IFT46: variants seen among roughly 807,000 people sequenced by gnomAD.
IFT46 encodes intraflagellar transport 46.
Under a neutral mutation model 39.6 loss-of-function variants are expected in IFT46, and 19 were observed. That is an observed-to-expected ratio of 0.48 (90% CI 0.33 to 0.70). The LOEUF is 0.70. Ranked by LOEUF, IFT46 falls within the 30% of genes least tolerant of loss-of-function variation. IFT46 has a pLI of 0.01. For synonymous variants in IFT46, 117 were observed against 134.8 expected (o/e 0.87, Z 0.91); for missense variants, 334 against 364.8 (o/e 0.92, Z 0.69).
chr11:118,564,755 G>A (rs1024068951), intron 2 of IFT46, among the ~76,000 whole-genome samples: 10 of 152,304 alleles, frequency 6.6e-5, no homozygotes, highest in Middle Eastern at 3.4e-3. Context: ...GTAACATGAA[G>A]TAAATGGTGA....
chr11:118,576,705 T>C (rs1555073715), upstream of IFT46, among the ~76,000 whole-genome samples: 1 of 152,200 alleles, frequency 6.6e-6, no homozygotes, highest in Non-Finnish European at 1.5e-5. Flanking sequence ...CAGAGAGACC[T>C]GTGTCAACTG....
upstream of IFT46, among the ~76,000 whole-genome samples, chr11:118,573,445 CAG>C (rs1283744630): frequency 6.6e-6 from 1 of 152,130 alleles, no homozygotes; most frequent in Non-Finnish European, 1.5e-5. Context: ...TGGAGGAAAT[CAG>C]AACTGCTGAC....
At chr11:118,546,191 G>C in intron 9 of IFT46, 1 of 718,086 alleles carries the variant, frequency 1.4e-6, no homozygotes, top group Non-Finnish European at 2.6e-6. Context: ...GCCAAGAAGA[G>C]ACCCCTCAGA....
Position 118,544,701 on chromosome 11 carries a change from G to C in IFT46, c.*215C>G, listed in dbSNP as rs1329994062. On this transcript the variant is annotated 3_prime_UTR_variant, in exon 12 of 12. Coordinates refer to ENST00000264021, the MANE Select transcript of IFT46 (RefSeq NM_001168618.2). ...TAACTCAAATCCCCACAGTGGTGTA[G>C]ATGCATTAACTCCCCGGGGACAGCA... is the stretch of plus-strand genomic sequence containing the variant. The C allele has an allele frequency of 1.8e-6, 1 of 553,788 alleles. No homozygotes were observed. The highest frequency in any genetic ancestry group is 3.2e-6 in the Non-Finnish European group (1 of 309,458). 34.3% of individuals were successfully genotyped at this position (553,788 alleles called of 1,614,324 possible).
At chr11:118,551,374 A>G (rs1951798966) in intron 9 of IFT46, among the ~76,000 whole-genome samples, 1 of 151,818 alleles carries the variant, frequency 6.6e-6, no homozygotes, top group Admixed American at 6.6e-5. Flanking sequence ...CTCCATCTCA[A>G]CAAAAAAAAT....
rs782570754 is a variant in IFT46, at chr11:118,551,741, G to A, written c.672+45C>T. On this transcript the variant is annotated intron_variant, in intron 9 of 11. Transcript: ENST00000264021. ...GAGAAAAAACACTGGGCCCTGGAGC[G>A]AATACTGTACTTTCTTACCCTACCT... 9.2e-6 allele frequency: 13 copies of A among 1,412,104 alleles called. No individual in the cohort carries two copies. In the East Asian group the frequency reaches 1.4e-4, roughly 15 times the overall value. The allele number at this position is 1,412,104 out of a possible 1,614,324, so 87.5% of individuals were successfully genotyped here.
chr11:118,545,666 G>A, intron 10 of IFT46, 127 bp downstream of exon 10: 2 of 1,179,910 alleles, frequency 1.7e-6, no homozygotes, highest in Non-Finnish European at 2.5e-6. Context: ...TGCTGCCAAA[G>A]AGCACAACGG....
chr11:118,562,092 T>C lies in IFT46; in HGVS notation c.-35-2228A>G, dbSNP rs568201600. On this transcript the variant is annotated intron_variant, in intron 2 of 11. Coordinates refer to ENST00000264021, the MANE Select transcript of IFT46 (RefSeq NM_001168618.2). ...GAGTTCGAGACCAGCCTGGCCAACA[T>C]GGTGAAACCCCGTCTCTACTAAAAA... Among the ~76,000 whole-genome samples, 573 of 151,918 alleles carry C rather than the reference T, an allele frequency of 3.8e-3. 5 individuals are homozygous for C. Among genetic ancestry groups the C allele is most frequent in the Middle Eastern group, 0.017 (5 of 294 alleles).
intron 2 of IFT46, among the ~76,000 whole-genome samples, chr11:118,562,072 C>T (rs1368117948): frequency 2.0e-5 from 3 of 151,964 alleles, no homozygotes; most frequent in African/African-American, 7.3e-5. Flanking sequence ...GTCAGGAGTT[C>T]GAGACCAGCC....
chr11:118,570,342 G>A (rs1311113308), upstream of IFT46, among the ~76,000 whole-genome samples: 1 of 151,980 alleles, frequency 6.6e-6, no homozygotes, highest in African/African-American at 2.4e-5. Context: ...TTACAGGCGT[G>A]AGCCACCGCG....
At chr11:118,546,381 CTTGGGAGGCTGGG>C (rs1469492286) in intron 9 of IFT46, 1 of 499,226 alleles carries the variant, frequency 2.0e-6, no homozygotes, top group Non-Finnish European at 3.7e-6. Flanking sequence ...GTCCCAGCTA[CTTGGGAGGCTGGG>C]GTGGGAGGAC....
In IFT46 at chr11:118,559,867, T is replaced by C. The variant is rs782677359; in HGVS notation, c.-35-3A>G. 1 of 1,575,830 alleles carries C rather than the reference T, an allele frequency of 6.3e-7. No homozygotes were observed. The highest frequency in any genetic ancestry group is 1.7e-5 in the Admixed American group (1 of 57,218). On this transcript the variant is annotated splice_polypyrimidine_tract_variant and splice_region_variant and intron_variant, in intron 2 of 11. Coordinates refer to ENST00000264021, the MANE Select transcript of IFT46 (RefSeq NM_001168618.2). ...AAGATGGGCAGAACGAGGAAGTCCT[T>C]AGAAAAAAAGTTTTTCCTTTAGATT...
upstream of IFT46, among the ~76,000 whole-genome samples, chr11:118,566,557 G>A (rs1402538014): frequency 6.6e-6 from 1 of 152,168 alleles, no homozygotes; most frequent in Non-Finnish European, 1.5e-5. Context: ...GCCGGGCGTG[G>A]TGGCGGACGC....
chr11:118,576,815 T>C (rs1174486454), upstream of IFT46, among the ~76,000 whole-genome samples: 1 of 152,202 alleles, frequency 6.6e-6, no homozygotes, highest in Non-Finnish European at 1.5e-5. Context: ...GTTTTGCTTG[T>C]ATCTGGATAA....
chr11:118,557,465 A>C lies in IFT46; in HGVS notation c.46-420T>G. On this transcript the variant is annotated intron_variant, in intron 3 of 11. Coordinates refer to ENST00000264021, the MANE Select transcript of IFT46 (RefSeq NM_001168618.2). ...TTTAGGGGTCTTAATACTCACAAAG[A>C]CCATAGAGAGGAAATCTAATACTTA... 4 of 461,068 alleles carry C rather than the reference A, an allele frequency of 8.7e-6. No individual in the cohort carries two copies. The South Asian group carries it at 1.0e-4, about 12-fold the overall frequency. 28.6% of individuals were successfully genotyped at this position (461,068 alleles called of 1,614,324 possible).
At chr11:118,546,609 G>A (rs1430217253) in intron 9 of IFT46, 1 of 163,314 alleles carries the variant, frequency 6.1e-6, no homozygotes, top group Non-Finnish European at 1.3e-5. Flanking sequence ...AAGCCACTCA[G>A]TCTATGGTAC....
rs1938179168 is a variant in IFT46 at position 118,565,021 on chromosome 11, T to G, written c.-92A>C. The G allele has an allele frequency of 6.6e-6, 1 of 152,632 alleles. No individual in the cohort carries two copies. The highest frequency in any genetic ancestry group is 2.4e-5 in the African/African-American group (1 of 41,444). The allele number at this position is 152,632 out of a possible 1,614,324, so 9.5% of individuals were successfully genotyped here. On this transcript the variant is annotated 5_prime_UTR_variant, in exon 2 of 12. Coordinates refer to ENST00000264021, the MANE Select transcript of IFT46 (RefSeq NM_001168618.2). ...TGCAACCTCTTCGGAGTCGTTAATC[T>G]CTAGACGCTCATCATATGTCTGGTT...
chr11:118,568,303 A>G (rs1555071859), upstream of IFT46, among the ~76,000 whole-genome samples: 2 of 152,174 alleles, frequency 1.3e-5, no homozygotes, highest in Non-Finnish European at 2.9e-5. Flanking sequence ...TAATCCTAGG[A>G]CTTTGGGAGG....
At chr11:118,550,093 C>T (rs781048782) in intron 9 of IFT46, among the ~76,000 whole-genome samples, 15 of 152,032 alleles carry the variant, frequency 9.9e-5, no homozygotes, top group Non-Finnish European at 1.8e-4. Flanking sequence ...CACCACCACA[C>T]CCAGCTAATT....
Sources: allele counts gnomAD v4.1 joint callset (sites outside exome capture counted in the v4.1 genomes callset), GRCh38; gene constraint gnomAD v4.1.1; transcripts MANE v1.5; gene names NCBI Gene and HGNC (gene_info 2026-07-23, HGNC 2026-07-21).